SPPL2B: variants seen among roughly 807,000 people sequenced by gnomAD.
SPPL2B encodes signal peptide peptidase like 2B.
A neutral mutation model predicts 59.7 loss-of-function variants in SPPL2B; 39 were observed. The observed-to-expected ratio is 0.65, with a 90% confidence interval of 0.51 to 0.85. The LOEUF is 0.85. Among genes scored for constraint, SPPL2B ranks in the 40% least tolerant of loss-of-function variants. The pLI is 0.00. For synonymous variants in SPPL2B, 419 were observed against 370.8 expected (o/e 1.13, Z -1.49); for missense variants, 865 against 849.0 (o/e 1.02, Z -0.23).
Position 2,338,870 on chromosome 19 carries a change from T to C in SPPL2B, c.459+29T>C, listed in dbSNP as rs988922458. The C allele has an allele frequency of 8.1e-6, 13 of 1,601,986 alleles. No individual in the cohort carries two copies. The African/African-American group carries it at 1.5e-4, about 18-fold the overall frequency. On this transcript the variant is annotated intron_variant, in intron 4 of 14. Coordinates refer to ENST00000613503, the MANE Select transcript of SPPL2B (RefSeq NM_152988.3). ...GGTCTGCGCCGGCTCAGACCCACGC[T>C]CCCGAGGAGATGGGGCAGGGGGCTT...
intron 13 of SPPL2B, among the ~76,000 whole-genome samples, chr19:2,349,045 G>A (rs1444404074): frequency 0.036 from 496 of 13,816 alleles, no homozygotes; most frequent in Non-Finnish European, 0.049. Context: ...ACACACTCAC[G>A]CGCTCTCATT....
intron 2 of SPPL2B, among the ~76,000 whole-genome samples, chr19:2,335,985 G>T (rs57230048): frequency 0.4 from 60,735 of 150,298 alleles, 13,122 homozygotes; most frequent in Non-Finnish European, 0.49. Context: ...GAACACATAG[G>T]TGTGTGTCAA....
chr19:2,345,200 C>T, intron 12 of SPPL2B, 53 bp from the exon 13 acceptor site: 4 of 1,545,098 alleles, frequency 2.6e-6, no homozygotes, highest in Non-Finnish European at 3.6e-6. Context: ...CAGGAAGCCC[C>T]TGCTCTGAGG....
In SPPL2B at chr19:2,353,518, G is replaced by A. The variant is rs1218390378; in HGVS notation, c.*309G>A. 4 of 392,218 alleles carry A rather than the reference G, an allele frequency of 1.0e-5. No individual in the cohort carries two copies. The highest frequency in any genetic ancestry group is 1.8e-5 in the Non-Finnish European group (4 of 216,652). 24.3% of individuals were successfully genotyped at this position (392,218 alleles called of 1,614,324 possible). ...CCGGCCTCTCTGCAGACCCTCAAGCGTCGTCTGCATGAGTGAGCAGGCGTG... is the reference window on the plus strand; with the variant it reads ...CCGGCCTCTCTGCAGACCCTCAAGCATCGTCTGCATGAGTGAGCAGGCGTG... On this transcript the variant is annotated 3_prime_UTR_variant, in exon 15 of 15. Transcript: ENST00000613503.
chr19:2,348,229 G>A (rs1211530996), intron 13 of SPPL2B, among the ~76,000 whole-genome samples: 12 of 82,232 alleles, frequency 1.5e-4, no homozygotes, highest in Admixed American at 4.6e-4. Context: ...ACTCTCATTC[G>A]CCTGATTCCG....
At chr19:2,334,445 T>C (rs1968445472) in intron 1 of SPPL2B, among the ~76,000 whole-genome samples, 157 bp from the exon 2 acceptor site, 1 of 152,238 alleles carries the variant, frequency 6.6e-6, no homozygotes, top group Non-Finnish European at 1.5e-5. Context: ...GTCACGTCCC[T>C]GTCTGTCCTG....
Position 2,344,606 on chromosome 19 carries a change from T to C in SPPL2B, c.1230T>C (p.Cys410=), listed in dbSNP as rs965115799. 6.2e-7 allele frequency: 1 copy of C among 1,613,322 alleles called. No homozygotes were observed. The highest frequency in any genetic ancestry group is 1.7e-5 in the Admixed American group (1 of 59,972). The part of the protein sequence containing the change: ...PRLNSSPLAL[C]DRPFSLLGFG... ...TGAACTCCTCACCTCTGGCCCTGTG[T>C]GACCGGCCCTTCTCCCTCCTGGGTT... The change falls in exon 12 of 15, where the codon TGT becomes TGC. Residue 410 remains cysteine (C), a synonymous_variant. Coordinates refer to ENST00000613503, the MANE Select transcript of SPPL2B (RefSeq NM_152988.3).
intron 13 of SPPL2B, 46 bp downstream of exon 13, chr19:2,345,376 C>T (rs765128687): frequency 6.5e-7 from 1 of 1,543,122 alleles, no homozygotes; most frequent in Non-Finnish European, 9.0e-7. Flanking sequence ...GGCTCCAGCC[C>T]CACCCCGACT....
At chr19:2,351,889 G>A (rs1457600964) in intron 14 of SPPL2B, among the ~76,000 whole-genome samples, 1 of 152,048 alleles carries the variant, frequency 6.6e-6, no homozygotes, top group Non-Finnish European at 1.5e-5. Context: ...GGTGCCGGCT[G>A]GGACTCGGGG....
At chr19:2,328,827 C>G in intron 1 of SPPL2B, 52 bp downstream of exon 1, 3 of 1,320,350 alleles carry the variant, frequency 2.3e-6, no homozygotes, top group African/African-American at 1.6e-5. Flanking sequence ...CCTTCGGCCT[C>G]TCTGTCCCCG....
intron 1 of SPPL2B, among the ~76,000 whole-genome samples, chr19:2,331,644 A>G (rs1203496720): frequency 6.6e-6 from 1 of 152,158 alleles, no homozygotes; most frequent in Admixed American, 6.5e-5. Flanking sequence ...GTGCTTTTAA[A>G]TGACCCTTTT....
rs748248057 is a variant in SPPL2B at position 2,352,998 on chromosome 19, C to T, written c.1568C>T (p.Pro523Leu). ...CCAGCACCAGCCGACGGCCCGCAGC[C>T]TCCCAAAGACTCTGCCACGCCACTC... ...WAPAPADGPQ[P>L]PKDSATPLSP... is the part of the protein sequence containing the mutation. Residue 523 changes from proline (P) to leucine (L), a missense_variant, in exon 15 of 15, where the codon CCT becomes CTT. By Grantham distance (98) the Pro-to-Leu change is moderately conservative (BLOSUM62 -3). Coordinates refer to ENST00000613503, the MANE Select transcript of SPPL2B (RefSeq NM_152988.3). 6.2e-7 allele frequency: 1 copy of T among 1,612,240 alleles called. No homozygotes were observed. The highest frequency in any genetic ancestry group is 2.2e-5 in the East Asian group (1 of 44,872).
At chr19:2,338,415 CAAG>C in intron 3 of SPPL2B, 1 of 205,922 alleles carries the variant, frequency 4.9e-6, no homozygotes. Flanking sequence ...GTGCGGGGCT[CAAG>C]GCGGCTTAGT....
intron 2 of SPPL2B, among the ~76,000 whole-genome samples, chr19:2,335,210 TCCTTTCCACTGCATCCTTCAGGCCCC>T (rs1968497429): frequency 6.0e-5 from 8 of 133,512 alleles, no homozygotes; most frequent in Admixed American, 1.5e-4. Context: ...AGGCCCCGCC[TCCTTTCCACTGCATCCTTCAGGCCCC>T]GCCTCCTTTC....
At chr19:2,344,089 C>T in intron 10 of SPPL2B, 50 bp downstream of exon 10, 1 of 1,292,488 alleles carries the variant, frequency 7.7e-7, no homozygotes, top group South Asian at 1.3e-5. Context: ...CTCCCCCGCC[C>T]CCTCGCAACC....
intron 7 of SPPL2B, chr19:2,340,539 A>C: frequency 1.7e-6 from 1 of 580,236 alleles, no homozygotes; most frequent in Non-Finnish European, 3.2e-6. Context: ...GGGGTCTCCA[A>C]CAAAGTCAGA....
intron 1 of SPPL2B, among the ~76,000 whole-genome samples, chr19:2,329,413 C>T (rs1412669430): frequency 6.6e-6 from 1 of 152,226 alleles, no homozygotes; most frequent in African/African-American, 2.4e-5. Context: ...GCGCCCAGGG[C>T]CAACAGGCCT....
At chr19:2,330,114 A>AT (rs71176539) in intron 1 of SPPL2B, among the ~76,000 whole-genome samples, 1,612 of 147,804 alleles carry the variant, frequency 0.011, 18 homozygotes, top group Middle Eastern at 0.032. Flanking sequence ...AAGCAGATCT[A>AT]TTTTTTTTTT....
chr19:2,337,850 T>C, intron 3 of SPPL2B: 1 of 522,188 alleles, frequency 1.9e-6, no homozygotes, highest in Non-Finnish European at 3.3e-6. Context: ...TGGCTGGGGC[T>C]GTGGAACTTT....
Sources: gnomAD v4.1 joint callset for allele counts (sites outside exome capture counted in the v4.1 genomes callset) on GRCh38, gnomAD v4.1.1 for gene constraint, MANE v1.5 for transcripts, NCBI Gene and HGNC (gene_info 2026-07-23, HGNC 2026-07-21) for gene names.